NRXN3: variants seen among roughly 807,000 people sequenced by gnomAD.
NRXN3 encodes neurexin 3.
Under a neutral mutation model 137.6 loss-of-function variants are expected in NRXN3, and 32 were observed. The ratio of observed to expected loss-of-function variants is 0.23; its 90% CI spans 0.18 to 0.31. The LOEUF (loss-of-function observed/expected upper bound fraction) is 0.31, where lower values mean the gene tolerates loss of function less well. NRXN3 is among the 10% of genes least tolerant of loss of function. The pLI is 1.00. For synonymous variants in NRXN3, 798 were observed against 784.5 expected, an observed-to-expected ratio of 1.02 and a Z score of -0.29; for missense variants, 1,574 against 2,062.5, an observed-to-expected ratio of 0.76 and a Z score of 4.59.
At chr14:78,568,172 G>T (rs1208425270) in intron 4 of NRXN3, among the ~76,000 whole-genome samples, 3 of 152,174 alleles carry the variant, frequency 2.0e-5, no homozygotes, top group African/African-American at 7.2e-5. Flanking sequence ...CCCTCCCTCA[G>T]ATTTACATGT....
intron 4 of NRXN3, among the ~76,000 whole-genome samples, chr14:78,613,977 T>G (rs2097324304): frequency 6.6e-6 from 1 of 152,222 alleles, no homozygotes; most frequent in Admixed American, 6.5e-5. Context: ...TAATTGATAT[T>G]CATGAAGATC....
rs397789144 is a variant in NRXN3, at chr14:78,386,068, A to AC, written c.757+88208_757+88209insC. 5.3e-5 allele frequency among the ~76,000 whole-genome samples: 8 copies of AC among 151,110 alleles called. No individual in the cohort carries two copies. The East Asian group carries it at 1.6e-3, about 30-fold the overall frequency. ...ACTGGCAAAACAAAAGAGCAAAAAA[A>AC]GTCCCATTTTCAGTATCTGACTGTC... On this transcript the variant is annotated intron_variant, in intron 4 of 20. Coordinates refer to ENST00000335750, the MANE Select transcript of NRXN3 (RefSeq NM_001330195.2).
chr14:79,010,384 G>A (rs181390138), intron 15 of NRXN3, among the ~76,000 whole-genome samples: 2 of 152,150 alleles, frequency 1.3e-5, no homozygotes. Context: ...CCATCATTTG[G>A]GCTATATCTA....
intron 10 of NRXN3, among the ~76,000 whole-genome samples, chr14:78,919,055 T>A (rs1253517841): frequency 1.3e-5 from 2 of 152,310 alleles, no homozygotes; most frequent in Non-Finnish European, 2.9e-5. Flanking sequence ...AGTATTAAAA[T>A]TTTTTATATG....
At chr14:78,344,127 G>T (rs1272906891) in intron 4 of NRXN3, among the ~76,000 whole-genome samples, 1 of 152,164 alleles carries the variant, frequency 6.6e-6, no homozygotes, top group Non-Finnish European at 1.5e-5. Context: ...CTCCAAGCAG[G>T]CTTGCTAGCC....
intron 19 of NRXN3, among the ~76,000 whole-genome samples, chr14:79,783,956 T>C (rs927252253): frequency 6.6e-6 from 1 of 152,194 alleles, no homozygotes; most frequent in Non-Finnish European, 1.5e-5. Context: ...AAACTTCACA[T>C]GAAATTTGTC....
chr14:78,913,214 T>C (rs772884787), intron 10 of NRXN3, among the ~76,000 whole-genome samples: 3 of 151,158 alleles, frequency 2.0e-5, no homozygotes, highest in Non-Finnish European at 4.4e-5. Flanking sequence ...TGATGTTACC[T>C]CTAAGATTTT....
intron 17 of NRXN3, among the ~76,000 whole-genome samples, chr14:79,665,758 T>TTA (rs1567823635): frequency 6.6e-6 from 1 of 152,158 alleles, no homozygotes; most frequent in African/African-American, 2.4e-5. Flanking sequence ...CACAGCTATG[T>TTA]AACCAAACCG....
chr14:78,880,955 G>A (rs531326512), intron 10 of NRXN3, among the ~76,000 whole-genome samples: 8 of 152,308 alleles, frequency 5.3e-5, no homozygotes, highest in African/African-American at 1.7e-4. Flanking sequence ...GGGACCCAGT[G>A]AGAAGTAATT....
At chr14:78,749,162 G>C (rs2098629013) in intron 8 of NRXN3, among the ~76,000 whole-genome samples, 1 of 152,200 alleles carries the variant, frequency 6.6e-6, no homozygotes, top group Non-Finnish European at 1.5e-5. Context: ...GGGCTGAGCA[G>C]TGACTTCTTC....
chr14:79,661,744 C>T lies in NRXN3; in HGVS notation c.3445-2034C>T, dbSNP rs186866163. ...TTCTCACATTCTTCTTTTTCTTTTC[C>T]TCCTTCTGGTTTTCCTCCTTCTCTT... On this transcript the variant is annotated intron_variant, in intron 16 of 20. Coordinates refer to ENST00000335750, the MANE Select transcript of NRXN3 (RefSeq NM_001330195.2). 3.3e-5 allele frequency: 5 copies of T among 151,700 alleles called. No homozygotes were observed. The East Asian group carries it at 1.0e-3, about 30-fold the overall frequency. 9.4% of individuals were successfully genotyped at this position (151,700 alleles called of 1,614,324 possible).
At chr14:79,703,889 A>G (rs2098765215) in intron 19 of NRXN3, among the ~76,000 whole-genome samples, 1 of 152,114 alleles carries the variant, frequency 6.6e-6, no homozygotes, top group South Asian at 2.1e-4. Context: ...TTTTCACATA[A>G]GGAAACCACT....
intron 4 of NRXN3, among the ~76,000 whole-genome samples, chr14:78,620,593 G>A (rs1453608286): frequency 6.6e-6 from 1 of 152,176 alleles, no homozygotes; most frequent in Non-Finnish European, 1.5e-5. Flanking sequence ...TGGCATCTGA[G>A]AATCAGAATA....
chr14:78,592,628 C>T (rs2097126884), intron 4 of NRXN3, among the ~76,000 whole-genome samples: 1 of 152,164 alleles, frequency 6.6e-6, no homozygotes, highest in South Asian at 2.1e-4. Context: ...CACTGTAGGC[C>T]ACCACCTCTT....
chr14:79,391,281 A>AT (rs1205495747), intron 15 of NRXN3, among the ~76,000 whole-genome samples: 2 of 152,198 alleles, frequency 1.3e-5, no homozygotes, highest in African/African-American at 4.8e-5. Flanking sequence ...AATAGGATTC[A>AT]TTTTGAGAGG....
chr14:78,576,932 T>C (rs1427747849), intron 4 of NRXN3, among the ~76,000 whole-genome samples: 1 of 152,220 alleles, frequency 6.6e-6, no homozygotes, highest in Non-Finnish European at 1.5e-5. Context: ...CAGTTCTCTT[T>C]AGTCTTGCTG....
At chr14:78,435,321 G>A (rs1462742303) in intron 4 of NRXN3, among the ~76,000 whole-genome samples, 1 of 152,164 alleles carries the variant, frequency 6.6e-6, no homozygotes, top group Admixed American at 6.5e-5. Context: ...CAGGCCCTGT[G>A]AGAAGGGTGC....
intron 6 of NRXN3, among the ~76,000 whole-genome samples, chr14:78,664,420 C>T (rs1025591783): frequency 1.6e-4 from 25 of 152,332 alleles, no homozygotes; most frequent in African/African-American, 5.8e-4. Flanking sequence ...TCCATCCCTT[C>T]AGCTAGAGAC....
At chr14:78,622,197 A>G (rs775626678) in intron 4 of NRXN3, among the ~76,000 whole-genome samples, 11 of 152,152 alleles carry the variant, frequency 7.2e-5, no homozygotes, top group Non-Finnish European at 1.6e-4. Flanking sequence ...TGCCAGTTTG[A>G]CTAGCCTTTC....
Sources: allele counts gnomAD v4.1 joint callset (sites outside exome capture counted in the v4.1 genomes callset), GRCh38; gene constraint gnomAD v4.1.1; transcripts MANE v1.5; gene names NCBI Gene and HGNC (gene_info 2026-07-23, HGNC 2026-07-21).